The following BBS12 variants were observed in gnomAD, a reference collection of about 807,000 sequenced individuals.
BBS12 encodes the protein Bardet-Biedl syndrome 12.
BBS12 carries 5 observed loss-of-function variants against 5.6 expected under a neutral mutation model. The observed-to-expected ratio is 0.89, with a 90% CI of 0.46 to 1.86. The LOEUF is 1.86. BBS12 is among the 40% of genes most tolerant of loss of function. BBS12 has a pLI of 0.01. For missense variants in BBS12, 748 were observed against 830.4 expected (o/e 0.90, Z 1.22); for synonymous variants, 308 against 306.8 (o/e 1.00, Z -0.04).
At chr4:122,716,581 ATATACACATATGTATG>A in the BBS12 span, among the ~76,000 whole-genome samples, 3 of 148,856 alleles carry the variant, frequency 2.0e-5, no homozygotes, top group African/African-American at 7.4e-5. Context: ...ACATATGTAT[ATATACACATATGTATG>A]TATACACACA....
Position 122,743,610 on chromosome 4 carries a change from C to G in BBS12, c.1718C>G (p.Ser573Cys). 2 of 1,614,124 alleles carry G rather than the reference C, an allele frequency of 1.2e-6. No homozygotes were observed. Among genetic ancestry groups the G allele is most frequent in the South Asian group, 1.1e-5 (1 of 91,078 alleles). ...HACSGWLHNT[S>C]SWLASSLAIY... ...TGCTCAGGGTGGCTGCATAATACTT[C>G]CTCTTGGCTGGCTTCATCTCTGGCA... Residue 573 changes from serine (S) to cysteine (C), a missense_variant, in exon 2 of 2, where the codon TCC becomes TGC. By Grantham distance (112) the Ser-to-Cys change is moderately radical. Coordinates refer to ENST00000314218, the MANE Select transcript of BBS12 (RefSeq NM_152618.3).
intron 1 of BBS12, among the ~76,000 whole-genome samples, chr4:122,734,616 A>G (rs1196145052): frequency 6.6e-6 from 1 of 152,178 alleles, no homozygotes; most frequent in Non-Finnish European, 1.5e-5. Context: ...AGACCCAGAA[A>G]TGAATAGTGA....
At chr4:122,706,280 T>C in the BBS12 span, among the ~76,000 whole-genome samples, 1 of 152,194 alleles carries the variant, frequency 6.6e-6, no homozygotes, top group Non-Finnish European at 1.5e-5. Flanking sequence ...ATGATTCATA[T>C]TTGCAAAGAA....
chr4:122,726,831 T>G, the BBS12 span, among the ~76,000 whole-genome samples: 1 of 152,366 alleles, frequency 6.6e-6, no homozygotes, highest in East Asian at 1.9e-4. Context: ...GAGACTATTA[T>G]TCTAAGTGAA....
chr4:122,726,999 A>G, the BBS12 span, among the ~76,000 whole-genome samples: 1 of 152,312 alleles, frequency 6.6e-6, no homozygotes, highest in African/African-American at 2.4e-5. Flanking sequence ...AATTGGGTTC[A>G]GTGATACTGC....
At chr4:122,713,197 C>T in the BBS12 span, among the ~76,000 whole-genome samples, 3 of 152,174 alleles carry the variant, frequency 2.0e-5, no homozygotes, top group South Asian at 2.1e-4. Flanking sequence ...CTTATGCTTG[C>T]GAAAATGTGT....
At chr4:122,716,583 A>G in the BBS12 span, among the ~76,000 whole-genome samples, 6 of 148,952 alleles carry the variant, frequency 4.0e-5, no homozygotes, top group South Asian at 8.4e-4. Flanking sequence ...ATATGTATAT[A>G]TACACATATG....
rs771669469 is a variant in BBS12 at position 122,742,393 on chromosome 4, T to C, written c.501T>C (p.Thr167=). 6.2e-7 allele frequency: 1 copy of C among 1,614,242 alleles called. No individual in the cohort carries two copies. Among genetic ancestry groups the C allele is most frequent in the Non-Finnish European group, 8.5e-7 (1 of 1,180,030 alleles). The change falls in exon 2 of 2, where the codon ACT becomes ACC. Residue 167 remains threonine, a synonymous_variant. Coordinates refer to ENST00000314218, the MANE Select transcript of BBS12 (RefSeq NM_152618.3). ...CTTTTCTACAGGTCCCTTCAGATAC[T>C]GATTTGATAGAGGAATTGCATGGTC... The part of the protein sequence containing the change: ...LCPFLQVPSD[T]DLIEELHGLK...
chr4:122,720,492 G>T, the BBS12 span, among the ~76,000 whole-genome samples: 268 of 152,042 alleles, frequency 1.8e-3, 6 homozygotes, highest in East Asian at 0.049. Context: ...GGAAAATATT[G>T]ATAATTTCAA....
chr4:122,731,504 TAGC>T (rs1207012105), upstream of BBS12: 1 of 152,218 alleles, frequency 6.6e-6, no homozygotes, highest in Non-Finnish European at 1.5e-5. Context: ...CCCTAAAATG[TAGC>T]AGGTTATTGC....
the BBS12 span, among the ~76,000 whole-genome samples, chr4:122,701,622 T>A: frequency 1.3e-5 from 2 of 152,206 alleles, no homozygotes; most frequent in Admixed American, 1.3e-4. Flanking sequence ...CAAGTGACAG[T>A]TATTCATTTA....
At chr4:122,725,183 A>G in the BBS12 span, among the ~76,000 whole-genome samples, 1 of 152,228 alleles carries the variant, frequency 6.6e-6, no homozygotes, top group African/African-American at 2.4e-5. Context: ...AAATGATCAT[A>G]CTGCCAAAAG....
At chr4:122,702,520 T>C in the BBS12 span, among the ~76,000 whole-genome samples, 4,881 of 152,276 alleles carry the variant, frequency 0.032, 169 homozygotes, top group East Asian at 0.11. Flanking sequence ...TCTTGGACAA[T>C]GTCTGCAGGG....
chr4:122,744,608 C>T lies in BBS12; in HGVS notation c.*583C>T, dbSNP rs1347940355. The T allele has an allele frequency of 1.2e-5, 2 of 167,336 alleles. No homozygotes were observed. Among genetic ancestry groups the T allele is most frequent in the African/African-American group, 4.8e-5 (2 of 41,470 alleles). The allele number at this position is 167,336 out of a possible 1,614,324, so 10.4% of individuals were successfully genotyped here. A position where few individuals can be genotyped will look rare whatever the true frequency, so the allele number is the denominator to read the frequency against. ...GTGGATAGTCTCTTCCAACAGTCTG[C>T]TCCTCAGCCTGAGATGTTCTTGGCC... is the stretch of plus-strand genomic sequence containing the variant. On this transcript the variant is annotated 3_prime_UTR_variant, in exon 2 of 2. Transcript: ENST00000314218.
chr4:122,743,601 A>T lies in BBS12; in HGVS notation c.1709A>T (p.His570Leu). The T allele has an allele frequency of 2.5e-6, 4 of 1,614,230 alleles. No individual in the cohort carries two copies. Among genetic ancestry groups the T allele is most frequent in the Non-Finnish European group, 3.4e-6 (4 of 1,180,034 alleles). The part of the protein sequence containing the change: ...KENHACSGWL[H>L]NTSSWLASSL... ...AACCATGCCTGCTCAGGGTGGCTGCATAATACTTCCTCTTGGCTGGCTTCA... is the reference window on the plus strand; with the variant it reads ...AACCATGCCTGCTCAGGGTGGCTGCTTAATACTTCCTCTTGGCTGGCTTCA... Residue 570 changes from histidine (H) to leucine (L), a missense_variant, in exon 2 of 2, where the codon CAT (histidine) becomes CTT (leucine). Physicochemically the swap from His to Leu is moderately conservative, Grantham distance 99. Coordinates refer to ENST00000314218, the MANE Select transcript of BBS12 (RefSeq NM_152618.3).
chr4:122,742,026 A>G lies in BBS12; in HGVS notation c.134A>G (p.His45Arg), dbSNP rs769488185. 2 of 1,613,990 alleles carry G rather than the reference A, an allele frequency of 1.2e-6. No homozygotes were observed. The highest frequency in any genetic ancestry group is 1.7e-6 in the Non-Finnish European group (2 of 1,179,848). The change falls in exon 2 of 2, where the codon CAT (histidine) becomes CGT (arginine). Residue 45 changes from histidine (H) to arginine (R), a missense_variant. Transcript: ENST00000314218. ...AAATTTATTATAGATGAAGAATGTC[A>G]TGAAAGTGTATTAATCAGTTCAACA... ...SSKFIIDEECHESVLISSTVR... is the reference protein window; with the variant it reads ...SSKFIIDEECRESVLISSTVR...
At position 122,742,691 on chromosome 4, in the gene BBS12, G is replaced by T; in HGVS notation, c.799G>T (p.Asp267Tyr). 6.2e-7 allele frequency: 1 copy of T among 1,614,230 alleles called. No individual in the cohort carries two copies. Among genetic ancestry groups the T allele is most frequent in the East Asian group, 2.2e-5 (1 of 44,890 alleles). The change falls in exon 2 of 2, where the codon GAT becomes TAT. Residue 267 changes from aspartate (D) to tyrosine (Y), a missense_variant. Physicochemically the swap from Asp to Tyr is radical, Grantham distance 160. Transcript: ENST00000314218. ...TATHKTYRCN[D>Y]LVELAVGLSH... ...TACTCACAAAACTTACAGATGTAAT[G>T]ATTTGGTAGAGTTGGCAGTAGGCTT...
chr4:122,743,713 C>A lies in BBS12; in HGVS notation c.1821C>A (p.Ala607=). 3 of 1,614,190 alleles carry A rather than the reference C, an allele frequency of 1.9e-6. No homozygotes were observed. The highest frequency in any genetic ancestry group is 2.5e-6 in the Non-Finnish European group (3 of 1,180,032). Residue 607 remains alanine (A), a synonymous_variant, in exon 2 of 2, where the codon GCC becomes GCA. Coordinates refer to ENST00000314218, the MANE Select transcript of BBS12 (RefSeq NM_152618.3). ...KYLSTLLYNT[A]NYSSEFEAST... ...TTTCAACTCTCCTATATAACACTGC[C>A]AATTACTCATCAGAATTTGAAGCCA... is the stretch of plus-strand genomic sequence containing the variant.
At chr4:122,717,649 C>T in the BBS12 span, among the ~76,000 whole-genome samples, 6 of 152,160 alleles carry the variant, frequency 3.9e-5, no homozygotes, top group African/African-American at 7.2e-5. Context: ...CCCACCTCAG[C>T]CCCCTGAGTA....
Sources: gnomAD v4.1 joint callset for allele counts (sites outside exome capture counted in the v4.1 genomes callset) on GRCh38, gnomAD v4.1.1 for gene constraint, MANE v1.5 for transcripts, NCBI Gene and HGNC (gene_info 2026-07-23, HGNC 2026-07-21) for gene names.